Variants in MUSK observed in about 807,000 individuals in gnomAD.
The protein encoded by MUSK is muscle associated receptor tyrosine kinase.
Under a neutral mutation model 88.7 loss-of-function variants are expected in MUSK, and 55 were observed. The ratio of observed to expected loss-of-function variants is 0.62; its 90% CI spans 0.50 to 0.78. MUSK has a LOEUF of 0.78. Ranked by LOEUF, MUSK falls within the 30% of genes least tolerant of loss-of-function variation. The pLI is 0.00. For synonymous variants in MUSK, 387 were observed against 391.9 expected (o/e 0.99, Z 0.15); for missense variants, 1,015 against 1,074.3 (o/e 0.94, Z 0.77).
intron 3 of MUSK, among the ~76,000 whole-genome samples, chr9:110,694,125 C>G (rs184188237): frequency 1.3e-4 from 19 of 150,900 alleles, no homozygotes; most frequent in Admixed American, 8.0e-4. Flanking sequence ...GTAATCCCGG[C>G]ACTTTGGGAG....
At chr9:110,784,720 T>G in intron 11 of MUSK, 95 bp from the exon 12 acceptor site, 1 of 934,020 alleles carries the variant, frequency 1.1e-6, no homozygotes, top group Non-Finnish European at 1.6e-6. Context: ...ATAAATATAT[T>G]ATTATCATGA....
chr9:110,691,638 G>T lies in MUSK; in HGVS notation c.359-3765G>T, dbSNP rs150865363. Among the ~76,000 whole-genome samples the T allele has an allele frequency of 2.9e-3, 438 of 152,230 alleles. 5 individuals are homozygous for T. The highest frequency in any genetic ancestry group is 0.022 in the South Asian group (104 of 4,826). ...ACTTGCAAACTGTCAATCTTACAAT[G>T]ATGTAACCTTCATCTTCTCTTCTCT... On this transcript the variant is annotated intron_variant, in intron 3 of 14. Coordinates refer to ENST00000374448, the MANE Select transcript of MUSK (RefSeq NM_005592.4).
intron 8 of MUSK, among the ~76,000 whole-genome samples, chr9:110,763,089 A>G (rs60873969): frequency 0.052 from 7,920 of 152,218 alleles, 439 homozygotes; most frequent in African/African-American, 0.14. Context: ...AATAAAAAAA[A>G]CAGTTTTTTT....
intron 7 of MUSK, among the ~76,000 whole-genome samples, chr9:110,751,325 T>C: frequency 6.6e-6 from 1 of 152,234 alleles, no homozygotes; most frequent in South Asian, 2.1e-4. Context: ...CCTAAAGGTC[T>C]GAGACAGGCA....
At chr9:110,725,858 G>A (rs1490070486) in intron 5 of MUSK, among the ~76,000 whole-genome samples, 5 of 151,954 alleles carry the variant, frequency 3.3e-5, no homozygotes, top group Admixed American at 2.6e-4. Context: ...AGACTATGAA[G>A]CAGAATATTT....
intron 5 of MUSK, among the ~76,000 whole-genome samples, chr9:110,729,279 T>A (rs1465312043): frequency 3.4e-5 from 3 of 88,672 alleles, no homozygotes; most frequent in African/African-American, 1.0e-4. Flanking sequence ...ATGGGAAAAA[T>A]TCTACTTTTT....
intron 5 of MUSK, among the ~76,000 whole-genome samples, chr9:110,722,570 AG>A (rs2076827855): frequency 1.3e-5 from 2 of 152,034 alleles, no homozygotes; most frequent in African/African-American, 4.8e-5. Context: ...TAAACTAAAA[AG>A]CTTCTGTACA....
intron 5 of MUSK, among the ~76,000 whole-genome samples, chr9:110,733,545 C>G (rs1003203630): frequency 1.3e-5 from 2 of 152,116 alleles, no homozygotes; most frequent in African/African-American, 4.8e-5. Context: ...ATTACTCATT[C>G]TGCTGCCTAC....
intron 3 of MUSK, among the ~76,000 whole-genome samples, chr9:110,693,339 T>C (rs1380905302): frequency 6.6e-6 from 1 of 152,162 alleles, no homozygotes; most frequent in Non-Finnish European, 1.5e-5. Context: ...GGTGTGGCCA[T>C]TCCAATTGCT....
At chr9:110,753,479 G>A (rs181098652) in intron 7 of MUSK, among the ~76,000 whole-genome samples, 1 of 150,304 alleles carries the variant, frequency 6.7e-6, no homozygotes, top group African/African-American at 2.5e-5. Flanking sequence ...GAGAGAGAGA[G>A]AAATAAAATA....
At chr9:110,771,626 AAT>A (rs1211390212) in intron 9 of MUSK, among the ~76,000 whole-genome samples, 1 of 152,174 alleles carries the variant, frequency 6.6e-6, no homozygotes, top group African/African-American at 2.4e-5. Context: ...TTGAGATGGA[AAT>A]AGTTATGTGA....
intron 5 of MUSK, among the ~76,000 whole-genome samples, chr9:110,730,394 G>A (rs1169507498): frequency 1.3e-5 from 2 of 151,988 alleles, no homozygotes; most frequent in African/African-American, 4.8e-5. Flanking sequence ...GTAATTTAAT[G>A]TTCCTTCTAT....
rs768273510 is a variant in MUSK, at chr9:110,697,427, G to T, written c.589G>T (p.Gly197Trp). 1 of 1,610,260 alleles carries T rather than the reference G, an allele frequency of 6.2e-7. No homozygotes were observed. The highest frequency in any genetic ancestry group is 1.1e-5 in the South Asian group (1 of 90,336). ...QYRCVAKNSL[G>W]TAYSKVVKLE... is the part of the protein sequence containing the mutation. ...TCGATGTGTGGCAAAAAACAGCCTC[G>T]GGACAGCATATTCCAAAGTGGTGAA... Residue 197 changes from glycine to tryptophan, a missense_variant, in exon 5 of 15, where the codon GGG becomes TGG. Gly to Trp is a radical substitution (Grantham distance 184). Coordinates refer to ENST00000374448, the MANE Select transcript of MUSK (RefSeq NM_005592.4).
At chr9:110,782,690 A>G (rs1209777920) in intron 11 of MUSK, among the ~76,000 whole-genome samples, 2 of 152,178 alleles carry the variant, frequency 1.3e-5, no homozygotes, top group Non-Finnish European at 2.9e-5. Flanking sequence ...AAGCTCGTCA[A>G]TTTAAGCCAC....
intron 6 of MUSK, among the ~76,000 whole-genome samples, chr9:110,738,081 A>T (rs1035987706): frequency 5.3e-5 from 8 of 152,100 alleles, no homozygotes; most frequent in Admixed American, 3.9e-4. Context: ...TTGTAGGGAA[A>T]ATGTATCCAT....
chr9:110,789,229 A>T (rs760237286), intron 14 of MUSK, among the ~76,000 whole-genome samples: 2 of 152,258 alleles, frequency 1.3e-5, no homozygotes, highest in Non-Finnish European at 2.9e-5. Flanking sequence ...ATGATGCAGC[A>T]AGAGAAGATG....
In MUSK at chr9:110,802,591, C is replaced by G. The variant is rs977032886; in HGVS notation, c.*1603C>G. Reference sequence around the variant, plus strand: ...CTTATTCATAGTGTCTCCAGGCAACCAAGACAAAAATGTAGAAATTTTCCT... The same window carrying G: ...CTTATTCATAGTGTCTCCAGGCAACGAAGACAAAAATGTAGAAATTTTCCT... On this transcript the variant is annotated 3_prime_UTR_variant, in exon 15 of 15. Coordinates refer to ENST00000374448, the MANE Select transcript of MUSK (RefSeq NM_005592.4). Among the ~76,000 whole-genome samples the G allele has an allele frequency of 6.6e-6, 1 of 152,132 alleles. No individual in the cohort carries two copies. Among genetic ancestry groups the G allele is most frequent in the Non-Finnish European group, 1.5e-5 (1 of 68,016 alleles).
At position 110,805,071 on chromosome 9, in the gene MUSK, G is replaced by A. The variant is rs72758671; in HGVS notation, c.*4083G>A. On this transcript the variant is annotated 3_prime_UTR_variant, in exon 15 of 15. Coordinates refer to ENST00000374448, the MANE Select transcript of MUSK (RefSeq NM_005592.4). ...AGTATTATACAGATTTATCGTAATT[G>A]ACATAACTATTCTACTGTTAGACAT... 0.014 allele frequency among the ~76,000 whole-genome samples: 2,086 copies of A among 151,924 alleles called. 20 individuals carry two copies. Among genetic ancestry groups the A allele is most frequent in the Middle Eastern group, 0.032 (9 of 284 alleles).
intron 5 of MUSK, among the ~76,000 whole-genome samples, chr9:110,731,084 A>G (rs2076957430): frequency 6.6e-6 from 1 of 152,088 alleles, no homozygotes; most frequent in Non-Finnish European, 1.5e-5. Flanking sequence ...AGAAGTCATC[A>G]TGTTCGTTCA....
Sources: allele counts gnomAD v4.1 joint callset (sites outside exome capture counted in the v4.1 genomes callset), GRCh38; gene constraint gnomAD v4.1.1; transcripts MANE v1.5; gene names NCBI Gene and HGNC (gene_info 2026-07-23, HGNC 2026-07-21).